LRRTM4: variants seen among roughly 807,000 people sequenced by gnomAD.
The protein encoded by LRRTM4 is leucine-rich repeat transmembrane neuronal protein 4.
Under a neutral mutation model 47.6 loss-of-function variants are expected in LRRTM4, and 25 were observed. The observed-to-expected ratio is 0.53, with a 90% CI of 0.38 to 0.73. The LOEUF is 0.73. Among genes scored for constraint, LRRTM4 ranks in the 30% least tolerant of loss-of-function variants. The pLI is 0.00. For synonymous variants in LRRTM4, 311 were observed against 269.5 expected (o/e 1.15, Z -1.51); for missense variants, 638 against 713.4 (o/e 0.89, Z 1.20).
At chr2:77,101,622 A>G (rs1359728625) in intron 3 of LRRTM4, among the ~76,000 whole-genome samples, 1 of 152,094 alleles carries the variant, frequency 6.6e-6, no homozygotes, top group Non-Finnish European at 1.5e-5. Flanking sequence ...GGCAGTCCAA[A>G]GCCCATCTTT....
chr2:77,450,098 T>C (rs764827959), intron 3 of LRRTM4, among the ~76,000 whole-genome samples: 3 of 152,180 alleles, frequency 2.0e-5, no homozygotes, highest in Non-Finnish European at 4.4e-5. Flanking sequence ...CAAATAAATC[T>C]TTAGTCATGA....
At chr2:76,918,507 C>T (rs953186756) in intron 3 of LRRTM4, among the ~76,000 whole-genome samples, 7 of 152,114 alleles carry the variant, frequency 4.6e-5, no homozygotes, top group Admixed American at 3.3e-4. Flanking sequence ...ATATCTGGCT[C>T]ATCACATAGG....
intron 3 of LRRTM4, among the ~76,000 whole-genome samples, chr2:77,309,696 TAG>T (rs1491539310): frequency 6.7e-6 from 1 of 148,484 alleles, no homozygotes; most frequent in Non-Finnish European, 1.5e-5. Flanking sequence ...GATAGATAGA[TAG>T]ATAGATAGAT....
chr2:77,215,552 T>G (rs1055278865), intron 3 of LRRTM4, among the ~76,000 whole-genome samples: 1 of 152,184 alleles, frequency 6.6e-6, no homozygotes, highest in African/African-American at 2.4e-5. Flanking sequence ...ATCTCCTCAT[T>G]AAATACAAAT....
At chr2:76,812,027 GTTTA>G (rs1241869974) in intron 3 of LRRTM4, among the ~76,000 whole-genome samples, 1 of 152,030 alleles carries the variant, frequency 6.6e-6, no homozygotes, top group African/African-American at 2.4e-5. Flanking sequence ...CAAACACTGA[GTTTA>G]TTTTTTTCCT....
At chr2:76,963,192 G>A (rs1398726427) in intron 3 of LRRTM4, among the ~76,000 whole-genome samples, 3 of 150,708 alleles carry the variant, frequency 2.0e-5, no homozygotes, top group African/African-American at 4.8e-5. Flanking sequence ...ATTCCTGAAA[G>A]AGCAATGATT....
At position 77,277,014 on chromosome 2, in the gene LRRTM4, G is replaced by A. The variant is rs1364580260; in HGVS notation, c.1551+241304C>T. Reference sequence around the variant, plus strand: ...GCTGTATATTCTCTATCAGTATTCTGTGCTCGCCTATGTTCAGTCTTTAAA... The same window carrying A: ...GCTGTATATTCTCTATCAGTATTCTATGCTCGCCTATGTTCAGTCTTTAAA... On this transcript the variant is annotated intron_variant, in intron 3 of 3. Transcript: ENST00000409884. Among the ~76,000 whole-genome samples the A allele has an allele frequency of 5.3e-5, 8 of 151,704 alleles. No homozygotes were observed. The East Asian group carries it at 1.6e-3, about 30-fold the overall frequency.
At chr2:76,807,400 G>GTATATATA (rs1670524468) in intron 3 of LRRTM4, among the ~76,000 whole-genome samples, 1 of 59,634 alleles carries the variant, frequency 1.7e-5, no homozygotes, top group African/African-American at 8.0e-5. Context: ...ATATATATAT[G>GTATATATA]TATATACGTA....
chr2:76,830,115 C>T (rs954381896), intron 3 of LRRTM4, among the ~76,000 whole-genome samples: 1 of 151,946 alleles, frequency 6.6e-6, no homozygotes, highest in Non-Finnish European at 1.5e-5. Context: ...CATCATTTTA[C>T]ATGTCAGAAG....
chr2:77,041,898 T>G lies in LRRTM4; in HGVS notation c.1552-292982A>C, dbSNP rs1189918577. ...TATTGAAACAATTCTATAATTTGTA[T>G]GAAAACACAAAAGACCCGGAATGGA... On this transcript the variant is annotated intron_variant, in intron 3 of 3. Transcript: ENST00000409884. Among the ~76,000 whole-genome samples the G allele has an allele frequency of 4.3e-5, 6 of 138,884 alleles. No individual in the cohort carries two copies. The East Asian group carries it at 1.3e-3, about 30-fold the overall frequency. 91.1% of individuals were successfully genotyped at this position (138,884 alleles called of 152,430 possible).
intron 3 of LRRTM4, among the ~76,000 whole-genome samples, chr2:77,249,335 A>G (rs1007232250): frequency 6.6e-6 from 1 of 152,100 alleles, no homozygotes; most frequent in Non-Finnish European, 1.5e-5. Context: ...GGGTGACAAT[A>G]GCAAAACTCC....
intron 3 of LRRTM4, among the ~76,000 whole-genome samples, chr2:76,749,382 TTTTA>T (rs1402223010): frequency 1.3e-5 from 2 of 152,102 alleles, no homozygotes; most frequent in Non-Finnish European, 1.5e-5. Context: ...ATATTTACAC[TTTTA>T]TTTATATATA....
At chr2:77,201,271 A>G (rs1280057711) in intron 3 of LRRTM4, among the ~76,000 whole-genome samples, 2 of 152,176 alleles carry the variant, frequency 1.3e-5, no homozygotes, top group African/African-American at 2.4e-5. Flanking sequence ...AGTATATTTT[A>G]TAATTTCAGA....
At chr2:76,781,907 T>C (rs1044029086) in intron 3 of LRRTM4, among the ~76,000 whole-genome samples, 9 of 152,242 alleles carry the variant, frequency 5.9e-5, no homozygotes, top group African/African-American at 2.2e-4. Context: ...ACTCATCTGC[T>C]GCCTCTTGAT....
intron 3 of LRRTM4, among the ~76,000 whole-genome samples, chr2:77,048,747 CATTT>C (rs1390354603): frequency 3.3e-5 from 5 of 151,814 alleles, no homozygotes; most frequent in South Asian, 4.1e-4. Context: ...TCTATCATCT[CATTT>C]ATTGTTTCTT....
intron 3 of LRRTM4, among the ~76,000 whole-genome samples, chr2:77,457,326 C>T (rs1198360447): frequency 6.6e-6 from 1 of 151,678 alleles, no homozygotes; most frequent in Non-Finnish European, 1.5e-5. Context: ...TTCTTGATTG[C>T]TTTCTTTCCC....
intron 3 of LRRTM4, among the ~76,000 whole-genome samples, chr2:77,440,590 A>G (rs1259626250): frequency 6.6e-6 from 1 of 152,170 alleles, no homozygotes; most frequent in African/African-American, 2.4e-5. Flanking sequence ...ATAAATGAAA[A>G]CTCAGTAGCT....
intron 3 of LRRTM4, among the ~76,000 whole-genome samples, chr2:77,258,405 C>T (rs1573155930): frequency 6.6e-6 from 1 of 151,948 alleles, no homozygotes; most frequent in African/African-American, 2.4e-5. Context: ...CATGAATGTA[C>T]TCATGCAATA....
At chr2:77,259,153 G>A (rs1373969485) in intron 3 of LRRTM4, among the ~76,000 whole-genome samples, 1 of 151,954 alleles carries the variant, frequency 6.6e-6, no homozygotes, top group African/African-American at 2.4e-5. Context: ...ACTAATATTA[G>A]TAACAGAATA....
Sources: allele counts gnomAD v4.1 joint callset (sites outside exome capture counted in the v4.1 genomes callset), GRCh38; gene constraint gnomAD v4.1.1; transcripts MANE v1.5; gene names NCBI Gene and HGNC (gene_info 2026-07-23, HGNC 2026-07-21).